Variants in MACROD2 observed in about 807,000 individuals in gnomAD.
The protein encoded by MACROD2 is mono-ADP ribosylhydrolase 2.
Under a neutral mutation model 70.4 loss-of-function variants are expected in MACROD2, and 36 were observed. The ratio of observed to expected loss-of-function variants is 0.51; its 90% confidence interval spans 0.39 to 0.68. The LOEUF (loss-of-function observed/expected upper bound fraction) is 0.68, where lower values mean the gene tolerates loss of function less well. MACROD2 is among the 30% of genes least tolerant of loss of function. The probability of loss-of-function intolerance (pLI) is 0.00; values close to 1 mark genes in which losing one functional copy is unlikely to be tolerated. For synonymous variants in MACROD2, 172 were observed against 178.8 expected (o/e 0.96, Z 0.30); for missense variants, 496 against 538.4 (o/e 0.92, Z 0.78).
chr20:14,821,108 A>G (rs1217073000), intron 5 of MACROD2, among the ~76,000 whole-genome samples: 1 of 152,136 alleles, frequency 6.6e-6, no homozygotes, highest in Non-Finnish European at 1.5e-5. Flanking sequence ...AGACTCATAA[A>G]TAGATGCCTT....
chr20:15,089,772 T>G (rs944365854), intron 5 of MACROD2, among the ~76,000 whole-genome samples: 1 of 152,030 alleles, frequency 6.6e-6, no homozygotes, highest in Admixed American at 6.6e-5. Flanking sequence ...TGATTTCTTA[T>G]TTTTTTCAAG....
chr20:14,741,952 A>G (rs2071738015), intron 5 of MACROD2, among the ~76,000 whole-genome samples: 1 of 152,140 alleles, frequency 6.6e-6, no homozygotes. Flanking sequence ...TCTTTCATAG[A>G]AGTTCAATAT....
At chr20:14,848,582 C>A (rs1005665760) in intron 5 of MACROD2, among the ~76,000 whole-genome samples, 5 of 152,110 alleles carry the variant, frequency 3.3e-5, no homozygotes, top group Non-Finnish European at 7.4e-5. Flanking sequence ...AATCCACATT[C>A]ATTTGACTCT....
chr20:14,924,306 G>T (rs866566726), intron 5 of MACROD2, among the ~76,000 whole-genome samples: 4 of 152,010 alleles, frequency 2.6e-5, no homozygotes, highest in Non-Finnish European at 4.4e-5. Flanking sequence ...TGGCGTGGTG[G>T]TACACGTCTG....
chr20:15,139,786 G>C (rs1312434560), intron 5 of MACROD2, among the ~76,000 whole-genome samples: 1 of 152,154 alleles, frequency 6.6e-6, no homozygotes, highest in Non-Finnish European at 1.5e-5. Context: ...GAGACTGTTT[G>C]GGAAAATTCT....
rs1254514336 is a variant in MACROD2, at chr20:15,918,824, C to T, written c.776-14452C>T. Among the ~76,000 whole-genome samples, 11 of 152,200 alleles carry T rather than the reference C, an allele frequency of 7.2e-5. No individual in the cohort carries two copies. The South Asian group carries it at 1.9e-3, about 26-fold the overall frequency. ...CTACTGCTGCCTGCTACATCCACTG[C>T]CTCCTCATGGGGCTCCACCTGTTTA... On this transcript the variant is annotated intron_variant, in intron 10 of 17. Transcript: ENST00000684519.
chr20:15,649,287 A>G (rs1208802576), intron 8 of MACROD2, among the ~76,000 whole-genome samples: 2 of 138,292 alleles, frequency 1.4e-5, no homozygotes, highest in Non-Finnish European at 3.1e-5. Flanking sequence ...ATCGGATAGC[A>G]TTGTTATTTC....
chr20:15,489,801 T>C (rs991385189), intron 7 of MACROD2, among the ~76,000 whole-genome samples: 1 of 152,132 alleles, frequency 6.6e-6, no homozygotes, highest in African/African-American at 2.4e-5. Context: ...CATGCCAGGT[T>C]CCAGGCTCCA....
intron 6 of MACROD2, among the ~76,000 whole-genome samples, chr20:15,407,089 C>T (rs62203490): frequency 0.12 from 17,929 of 152,226 alleles, 1,190 homozygotes; most frequent in Middle Eastern, 0.2. Context: ...CCCTGCCATG[C>T]GCAGCACCTG....
At chr20:15,792,035 TA>T (rs1167832363) in intron 8 of MACROD2, among the ~76,000 whole-genome samples, 87 of 152,234 alleles carry the variant, frequency 5.7e-4, no homozygotes, top group African/African-American at 1.9e-3. Flanking sequence ...AACAAGGCTG[TA>T]CTAGCTTAAT....
At chr20:14,574,119 G>A (rs550486909) in intron 4 of MACROD2, among the ~76,000 whole-genome samples, 2 of 152,266 alleles carry the variant, frequency 1.3e-5, no homozygotes, top group Non-Finnish European at 1.5e-5. Flanking sequence ...AGACAGTGCC[G>A]TTTCTCCATG....
At chr20:15,885,146 G>A (rs1180139584) in intron 9 of MACROD2, among the ~76,000 whole-genome samples, 5 of 152,110 alleles carry the variant, frequency 3.3e-5, no homozygotes, top group African/African-American at 1.2e-4. Context: ...GTTCAAAAGA[G>A]CAAGCGTGTC....
At chr20:14,359,936 A>T (rs1345486916) in intron 3 of MACROD2, among the ~76,000 whole-genome samples, 1 of 152,224 alleles carries the variant, frequency 6.6e-6, no homozygotes, top group East Asian at 1.9e-4. Flanking sequence ...AAAAATGAAC[A>T]TACTGTCATT....
chr20:15,524,723 T>C (rs895815935), intron 8 of MACROD2, among the ~76,000 whole-genome samples: 1 of 152,222 alleles, frequency 6.6e-6, no homozygotes, highest in African/African-American at 2.4e-5. Context: ...CTGTACACTT[T>C]ATCTCTCTGC....
At chr20:14,690,314 AG>A (rs1426056221) in intron 5 of MACROD2, among the ~76,000 whole-genome samples, 2 of 152,174 alleles carry the variant, frequency 1.3e-5, no homozygotes, top group Non-Finnish European at 2.9e-5. Context: ...GACTAACTCA[AG>A]GTTTTCATTA....
chr20:14,616,269 T>C lies in MACROD2; in HGVS notation c.302-68574T>C, dbSNP rs138211750. On this transcript the variant is annotated intron_variant, in intron 4 of 17. Coordinates refer to ENST00000684519, the MANE Select transcript of MACROD2 (RefSeq NM_001351661.2). ...GCTATGAAATGACTAATATTTGTTC[T>C]AAAAATGCTAGTCATCAGTGTTTTC... Among the ~76,000 whole-genome samples the C allele has an allele frequency of 1.2e-3, 180 of 152,248 alleles. 1 individual carries two copies. The highest frequency in any genetic ancestry group is 4.2e-3 in the African/African-American group (174 of 41,564).
At chr20:15,534,986 GT>G (rs945816371) in intron 8 of MACROD2, among the ~76,000 whole-genome samples, 1 of 151,916 alleles carries the variant, frequency 6.6e-6, no homozygotes, top group African/African-American at 2.4e-5. Flanking sequence ...ATATATATAT[GT>G]TTTTTTGAGA....
chr20:15,855,896 A>G (rs1373906924), intron 8 of MACROD2, among the ~76,000 whole-genome samples: 1 of 152,122 alleles, frequency 6.6e-6, no homozygotes, highest in Non-Finnish European at 1.5e-5. Flanking sequence ...ATTCCATTAT[A>G]TGAGTACATC....
intron 5 of MACROD2, among the ~76,000 whole-genome samples, chr20:14,744,188 T>C (rs192940522): frequency 6.6e-6 from 1 of 152,328 alleles, no homozygotes; most frequent in East Asian, 1.9e-4. Flanking sequence ...TAGAGACACA[T>C]TTATGATATA....
Sources: gnomAD v4.1 joint callset for allele counts (sites outside exome capture counted in the v4.1 genomes callset) on GRCh38, gnomAD v4.1.1 for gene constraint, MANE v1.5 for transcripts, NCBI Gene and HGNC (gene_info 2026-07-23, HGNC 2026-07-21) for gene names.